Variants in DVL1 observed in about 807,000 individuals in gnomAD.
The protein encoded by DVL1 is dishevelled segment polarity protein 1.
In DVL1, 49 loss-of-function variants were observed where a neutral mutation model predicts 65.0. That is an observed-to-expected ratio of 0.75 (90% CI 0.60 to 0.96). The LOEUF (loss-of-function observed/expected upper bound fraction) is 0.96, where lower values mean the gene tolerates loss of function less well. Among genes scored for constraint, DVL1 ranks in the 40% least tolerant of loss-of-function variants. The probability of loss-of-function intolerance (pLI) is 0.00; values close to 1 mark genes in which losing one functional copy is unlikely to be tolerated. For synonymous variants in DVL1, 608 were observed against 433.9 expected, an observed-to-expected ratio of 1.40 and a Z score of -4.99; for missense variants, 1,197 against 1,045.4, an observed-to-expected ratio of 1.15 and a Z score of -2.00.
At position 1,341,695 on chromosome 1, in the gene DVL1, C is replaced by T. The variant is rs756057783; in HGVS notation, c.577G>A (p.Asp193Asn). 6.2e-7 allele frequency: 1 copy of T among 1,610,466 alleles called. No individual in the cohort carries two copies. The highest frequency in any genetic ancestry group is 8.5e-7 in the Non-Finnish European group (1 of 1,177,916). ...CTCGTGCTGCCATCCTCGTCCGAGT[C>T]CACAAAGCTGCTGGACTCAAGCTCG... ...SSELESSSFV[D>N]SDEDGSTSRL... Residue 193 changes from aspartate to asparagine, a missense_variant, in exon 5 of 15, where the codon GAC becomes AAC. Transcript: ENST00000378888.
At position 1,339,572 on chromosome 1, in the gene DVL1, G is replaced by A. The variant is rs746824794; in HGVS notation, c.1054+10C>T. ...CCCATCCCGCCCCGTGTGCCCCGAG[G>A]GCCACTCACCCCGTGGGACGGTGAA... On this transcript the variant is annotated intron_variant, in intron 10 of 14. Coordinates refer to ENST00000378888, the MANE Select transcript of DVL1 (RefSeq NM_001330311.2). The A allele has an allele frequency of 1.3e-5, 21 of 1,603,676 alleles. No individual in the cohort carries two copies. In the South Asian group the frequency reaches 1.9e-4, roughly 14 times the overall value.
rs867225273 is a variant in DVL1, at chr1:1,349,066, G to A, written c.-1C>T. The A allele has an allele frequency of 1.3e-6, 2 of 1,483,410 alleles. No homozygotes were observed. The allele number at this position is 1,483,410 out of a possible 1,614,324, so 91.9% of individuals were successfully genotyped here. A position where few individuals can be genotyped will look rare whatever the true frequency, so the allele number is the denominator to read the frequency against. On this transcript the variant is annotated 5_prime_UTR_variant, in exon 1 of 15. Transcript: ENST00000378888. The surrounding 1 kb of genome is among the most constrained non-coding windows in gnomAD (Gnocchi z 4.1). ...GGTAGATAATCTTGGTCTCCGCCAT[G>A]GCGCGGCGGCGGCGCGGAGCCCGCG...
chr1:1,341,686 C>T lies in DVL1; in HGVS notation c.586G>A (p.Glu196Lys), dbSNP rs962899142. 5.0e-6 allele frequency: 8 copies of T among 1,608,546 alleles called. No homozygotes were observed. The highest frequency in any genetic ancestry group is 4.0e-5 in the African/African-American group (3 of 74,908). Residue 196 changes from glutamate (E) to lysine (K), a missense_variant, in exon 5 of 15, where the codon GAG (glutamate) becomes AAG (lysine). Coordinates refer to ENST00000378888, the MANE Select transcript of DVL1 (RefSeq NM_001330311.2). ...ACACACCTGCTCGTGCTGCCATCCT[C>T]GTCCGAGTCCACAAAGCTGCTGGAC... ...LESSSFVDSD[E>K]DGSTSRLSSS...
rs769727331 is a variant in DVL1 at position 1,336,454 on chromosome 1, A to C, written c.1776T>G (p.Arg592=). ...CACTGCCCCCAGCTCCCGCCGCCCGACGCTCCTTCTCACGGCCCGGGGCCC... is the reference window on the plus strand; with the variant it reads ...CACTGCCCCCAGCTCCCGCCGCCCGCCGCTCCTTCTCACGGCCCGGGGCCC... ...SRRAPGREKE[R]RAAGAGGSGS... Residue 592 remains arginine, a synonymous_variant, in exon 15 of 15, where the codon CGT becomes CGG. Coordinates refer to ENST00000378888, the MANE Select transcript of DVL1 (RefSeq NM_001330311.2). 1.3e-6 allele frequency: 2 copies of C among 1,570,376 alleles called. No individual in the cohort carries two copies. Among genetic ancestry groups the C allele is most frequent in the Admixed American group, 1.8e-5 (1 of 54,928 alleles).
chr1:1,338,553 C>T lies in DVL1; in HGVS notation c.1308G>A (p.Trp436Ter). 1 of 1,612,602 alleles carries T rather than the reference C, an allele frequency of 6.2e-7. No individual in the cohort carries two copies. Among genetic ancestry groups the T allele is most frequent in the Non-Finnish European group, 8.5e-7 (1 of 1,179,864 alleles). ...DSGLEIRDRM[W>*]LKITIANAVI... ...CGGCATTGGCGATGGTGATCTTGAG[C>T]CACATGCGGTCGCGGATCTCCAGTC... is the stretch of plus-strand genomic sequence containing the variant. The change falls in exon 12 of 15, where the codon TGG (tryptophan) becomes TGA (stop). Residue 436 changes from tryptophan (W) to a stop codon, truncating the protein, a stop_gained. Coordinates refer to ENST00000378888, the MANE Select transcript of DVL1 (RefSeq NM_001330311.2). LOFTEE classifies it high-confidence loss of function.
rs773896591 is a variant in DVL1, at chr1:1,341,659, C to T, written c.605+8G>A. 1.9e-5 allele frequency: 30 copies of T among 1,599,114 alleles called. No individual in the cohort carries two copies. The highest frequency in any genetic ancestry group is 2.6e-5 in the Non-Finnish European group (30 of 1,169,208). On this transcript the variant is annotated splice_region_variant and intron_variant, in intron 5 of 14. Transcript: ENST00000378888. ...CAGGCATACACGCCCACAGACACTC[C>T]CACACACCTGCTCGTGCTGCCATCC... is the stretch of plus-strand genomic sequence containing the variant.
intron 1 of DVL1, among the ~76,000 whole-genome samples, chr1:1,344,123 C>T (rs964601799): frequency 2.6e-5 from 4 of 152,106 alleles, no homozygotes; most frequent in Non-Finnish European, 5.9e-5. Context: ...GGTCGACACT[C>T]ACACTGTGAC....
intron 1 of DVL1, among the ~76,000 whole-genome samples, chr1:1,347,503 G>A (rs1276851157): frequency 2.6e-5 from 4 of 152,232 alleles, no homozygotes; most frequent in Non-Finnish European, 5.9e-5. Flanking sequence ...CCAGAGCATG[G>A]TCCAGGAGCA....
In DVL1 at chr1:1,339,985, C is replaced by G. The variant is rs1185552050; in HGVS notation, c.909+53G>C. On this transcript the variant is annotated intron_variant, in intron 8 of 14. Transcript: ENST00000378888. The stretch of plus-strand genomic sequence containing the variant: ...CCGCAGCCGCACGTCACCCCAAAGT[C>G]CCCACGGACCCACCCGCAGCTACAT... The G allele has an allele frequency of 2.5e-6, 4 of 1,581,460 alleles. No homozygotes were observed. The African/African-American group carries it at 5.4e-5, about 21-fold the overall frequency.
intron 14 of DVL1, 72 bp from the exon 15 acceptor site, chr1:1,336,587 C>T (rs185065354): frequency 5.5e-6 from 8 of 1,459,208 alleles, no homozygotes; most frequent in Non-Finnish European, 7.2e-6. Context: ...CAACCGCCCC[C>T]GCCAGGTGAC....
At chr1:1,338,695 A>G (rs748449297) in intron 11 of DVL1, 42 bp from the exon 12 acceptor site, 1 of 1,591,956 alleles carries the variant, frequency 6.3e-7, no homozygotes, top group East Asian at 2.2e-5. Context: ...CAGCATCTGA[A>G]GGCGGGGGAC....
intron 1 of DVL1, 42 bp downstream of exon 1, chr1:1,348,854 C>A (rs777001884): frequency 6.8e-7 from 1 of 1,466,328 alleles, no homozygotes; most frequent in Admixed American, 2.3e-5. Flanking sequence ...GTGCGACCCC[C>A]GAGCCCGCGC....
Position 1,336,241 on chromosome 1 carries a change from G to A in DVL1, c.1989C>T (p.Val663=). Residue 663 remains valine, a synonymous_variant, in exon 15 of 15, where the codon GTC becomes GTT. Transcript: ENST00000378888. ...CCGGGGGGACGGCAGCCAGCTCCCG[G>A]ACAGGGGGTCCCCCGGGTGGCCCCC... is the stretch of plus-strand genomic sequence containing the variant. The part of the protein sequence containing the change: ...VVGGPPGGPP[V]RELAAVPPEL... 1.3e-6 allele frequency: 2 copies of A among 1,558,962 alleles called. No individual in the cohort carries two copies. The highest frequency in any genetic ancestry group is 1.7e-6 in the Non-Finnish European group (2 of 1,157,910).
chr1:1,342,200 C>T, intron 3 of DVL1, 44 bp from the exon 4 acceptor site: 2 of 1,521,504 alleles, frequency 1.3e-6, no homozygotes, highest in Non-Finnish European at 1.8e-6. Context: ...GTGGCCCCAG[C>T]CCCTCAGATG....
chr1:1,341,800 G>A lies in DVL1; in HGVS notation c.472C>T (p.Arg158Trp), dbSNP rs572753749. ...TCTCCCCTTGGGTGCCCATTGGTCC[G>A]GGCGGCTGTGGGGGCAGCAGGTTGG... is the stretch of plus-strand genomic sequence containing the variant. The part of the protein sequence containing the change: ...ARRRNREEAA[R>W]TNGHPRGDRR... Residue 158 changes from arginine to tryptophan, a missense_variant, in exon 5 of 15, where the codon CGG (arginine) becomes TGG (tryptophan). Coordinates refer to ENST00000378888, the MANE Select transcript of DVL1 (RefSeq NM_001330311.2). The A allele has an allele frequency of 2.3e-5, 37 of 1,579,442 alleles. No homozygotes were observed. The highest frequency in any genetic ancestry group is 1.7e-4 in the South Asian group (15 of 88,158).
At chr1:1,342,574 C>T (rs1643866272) in intron 2 of DVL1, 90 bp from the exon 3 acceptor site, 3 of 1,574,930 alleles carry the variant, frequency 1.9e-6, no homozygotes, top group Admixed American at 3.5e-5. Flanking sequence ...CAGCAAGCTG[C>T]CCTATCCGCA....
chr1:1,341,182 C>T (rs955567383), intron 5 of DVL1, among the ~76,000 whole-genome samples: 8 of 151,438 alleles, frequency 5.3e-5, no homozygotes, highest in African/African-American at 9.7e-5. Flanking sequence ...CCTGCACACA[C>T]GCACATCTGC....
rs60773109 is a variant in DVL1 at position 1,340,703 on chromosome 1, C to G, written c.606-200G>C. Among the ~76,000 whole-genome samples, 26 of 152,282 alleles carry G rather than the reference C, an allele frequency of 1.7e-4. No individual in the cohort carries two copies. The East Asian group carries it at 3.7e-3, about 21-fold the overall frequency. On this transcript the variant is annotated intron_variant, in intron 5 of 14. Coordinates refer to ENST00000378888, the MANE Select transcript of DVL1 (RefSeq NM_001330311.2). ...CACGAAAATCCCAGAGACAGGCAAACTGGGCACAGACACATGTAGCCAGAT... is the reference window on the plus strand; with the variant it reads ...CACGAAAATCCCAGAGACAGGCAAAGTGGGCACAGACACATGTAGCCAGAT...
rs367824412 is a variant in DVL1 at position 1,341,290 on chromosome 1, TCACA to T, written c.605+373_605+376del. On this transcript the variant is annotated intron_variant, in intron 5 of 14. Transcript: ENST00000378888. The stretch of plus-strand genomic sequence containing the variant: ...CACGTGCACACTGTGAAAACGCACC[TCACA>T]CACACATACATGCACACACAGACAT... 2.8e-3 allele frequency among the ~76,000 whole-genome samples: 420 copies of T among 150,234 alleles called. 2 individuals carry two copies. The highest frequency in any genetic ancestry group is 4.4e-3 in the Non-Finnish European group (296 of 67,670).
Sources: gnomAD v4.1 joint callset for allele counts (sites outside exome capture counted in the v4.1 genomes callset) on GRCh38, gnomAD v4.1.1 for gene constraint, Gnocchi (gnomAD v3.1) non-coding constraint, MANE v1.5 for transcripts, NCBI Gene and HGNC (gene_info 2026-07-23, HGNC 2026-07-21) for gene names.